Variants in ADGB observed in about 807,000 individuals in gnomAD.
ADGB encodes the protein androglobin.
Under a neutral mutation model 210.5 loss-of-function variants are expected in ADGB, and 172 were observed. The observed-to-expected ratio is 0.82, with a 90% CI of 0.72 to 0.93. ADGB has a LOEUF of 0.93. ADGB is among the 40% of genes least tolerant of loss of function. The probability of loss-of-function intolerance (pLI) is 0.00; values close to 1 mark genes in which losing one functional copy is unlikely to be tolerated. For synonymous variants in ADGB, 658 were observed against 662.7 expected, an observed-to-expected ratio of 0.99 and a Z score of 0.11; for missense variants, 2,025 against 1,964.8, an observed-to-expected ratio of 1.03 and a Z score of -0.58.
intron 23 of ADGB, among the ~76,000 whole-genome samples, chr6:146,739,804 A>C (rs565299554): frequency 2.7e-4 from 41 of 152,294 alleles, no homozygotes; most frequent in African/African-American, 9.6e-4. Context: ...AGTTTCTGGC[A>C]GAATAGGAGG....
chr6:146,784,447 T>G (rs898582430), intron 30 of ADGB, among the ~76,000 whole-genome samples, 171 bp from the exon 31 acceptor site: 1 of 152,218 alleles, frequency 6.6e-6, no homozygotes, highest in Non-Finnish European at 1.5e-5. Flanking sequence ...GTTTTTTGTG[T>G]GTATTATGAA....
In ADGB at chr6:146,616,740, A is replaced by G. The variant is rs1289797568; in HGVS notation, c.74+17626A>G. Among the ~76,000 whole-genome samples the G allele has an allele frequency of 2.0e-5, 3 of 152,270 alleles. No individual in the cohort carries two copies. The South Asian group carries it at 6.2e-4, about 32-fold the overall frequency. The stretch of plus-strand genomic sequence containing the variant: ...CCTTTGTCAAAAATGAGTTGGCTGT[A>G]AATGTGTGGAATTATTTCTGGGTCC... On this transcript the variant is annotated intron_variant, in intron 1 of 35. Transcript: ENST00000397944.
chr6:146,624,025 T>G (rs1245830748), intron 1 of ADGB, among the ~76,000 whole-genome samples: 1 of 151,894 alleles, frequency 6.6e-6, no homozygotes, highest in Admixed American at 6.6e-5. Flanking sequence ...GATATTGGGT[T>G]CCAGTTTTCT....
chr6:146,643,563 A>G (rs1775551244), intron 2 of ADGB, among the ~76,000 whole-genome samples: 1 of 151,886 alleles, frequency 6.6e-6, no homozygotes, highest in Non-Finnish European at 1.5e-5. Flanking sequence ...TTAACTTACT[A>G]GATTGCTAGC....
At chr6:146,680,961 G>A (rs2114911576) in intron 9 of ADGB, among the ~76,000 whole-genome samples, 1 of 152,258 alleles carries the variant, frequency 6.6e-6, no homozygotes, top group Non-Finnish European at 1.5e-5. Flanking sequence ...CCAGTGGGAA[G>A]TAAAAGAGCT....
intron 35 of ADGB, chr6:146,802,326 C>T (rs1284064182): frequency 1.7e-5 from 3 of 180,090 alleles, no homozygotes; most frequent in Non-Finnish European, 3.4e-5. Flanking sequence ...CAGCTTGAGA[C>T]ATACAAATCC....
chr6:146,701,916 C>T (rs1013574074), intron 13 of ADGB, among the ~76,000 whole-genome samples: 3 of 151,860 alleles, frequency 2.0e-5, no homozygotes, highest in African/African-American at 7.2e-5. Context: ...TAGTAATCAG[C>T]TTACATATTC....
chr6:146,673,194 T>C (rs1484509992), intron 8 of ADGB, among the ~76,000 whole-genome samples: 1 of 152,228 alleles, frequency 6.6e-6, no homozygotes, highest in Non-Finnish European at 1.5e-5. Context: ...CTTGAAAGCA[T>C]ACTTTTTAGG....
chr6:146,791,980 G>A (rs1777962538), intron 33 of ADGB, among the ~76,000 whole-genome samples: 1 of 146,746 alleles, frequency 6.8e-6, no homozygotes, highest in African/African-American at 2.5e-5. Flanking sequence ...ATATTGCCCT[G>A]GCTGTTCTTG....
At position 146,782,080 on chromosome 6, in the gene ADGB, G is replaced by A. The variant is rs1484230740; in HGVS notation, c.3923G>A (p.Ser1308Asn). ...GGAAGCCCAGACTCCCACACTATTAGTGAGGGACAAAAATCTTCAGTAACT... is the reference window on the plus strand; with the variant it reads ...GGAAGCCCAGACTCCCACACTATTAATGAGGGACAAAAATCTTCAGTAACT... Reference protein sequence around the residue: ...NLGSPDSHTISEGQKSSVTSK... With the variant: ...NLGSPDSHTINEGQKSSVTSK... Residue 1308 changes from serine (S) to asparagine (N), a missense_variant, in exon 30 of 36, where the codon AGT becomes AAT. Coordinates refer to ENST00000397944, the MANE Select transcript of ADGB (RefSeq NM_024694.4). 1.9e-6 allele frequency: 3 copies of A among 1,547,810 alleles called. No homozygotes were observed. In the African/African-American group the frequency reaches 4.1e-5, roughly 21 times the overall value.
chr6:146,648,678 C>A (rs188053655), intron 3 of ADGB, among the ~76,000 whole-genome samples: 1 of 151,988 alleles, frequency 6.6e-6, no homozygotes, highest in East Asian at 1.9e-4. Context: ...GCTCCCCCGA[C>A]GTTTGGAATT....
At chr6:146,803,587 T>A in intron 35 of ADGB, 1 of 1,401,766 alleles carries the variant, frequency 7.1e-7, no homozygotes, top group Non-Finnish European at 1.0e-6. Context: ...TGGAGACTTC[T>A]TAACCTCCTT....
rs1029242658 is a variant in ADGB at position 146,781,124 on chromosome 6, A to C, written c.3863-896A>C. ...AGGCGGATCACGAGCTCACGAGATC[A>C]AGACCATCCTGGCTAACACGGTGAA... On this transcript the variant is annotated intron_variant, in intron 29 of 35. Coordinates refer to ENST00000397944, the MANE Select transcript of ADGB (RefSeq NM_024694.4). Among the ~76,000 whole-genome samples the C allele has an allele frequency of 8.8e-4, 131 of 149,706 alleles. 3 individuals carry two copies. The highest frequency in any genetic ancestry group is 1.5e-4 in the Non-Finnish European group (10 of 67,502).
intron 12 of ADGB, among the ~76,000 whole-genome samples, chr6:146,698,628 T>C (rs1776443451): frequency 6.6e-6 from 1 of 152,210 alleles, no homozygotes; most frequent in African/African-American, 2.4e-5. Flanking sequence ...CAGTTGGCAA[T>C]GTCAAGCCAT....
intron 27 of ADGB, among the ~76,000 whole-genome samples, chr6:146,763,339 AT>A (rs1442425721): frequency 1.6e-4 from 25 of 152,308 alleles, no homozygotes; most frequent in African/African-American, 5.5e-4. Flanking sequence ...TCAGTCACTT[AT>A]GTTTTTTCAA....
chr6:146,752,419 C>G, intron 26 of ADGB, 111 bp from the exon 27 acceptor site: 2 of 964,402 alleles, frequency 2.1e-6, no homozygotes, highest in Non-Finnish European at 3.0e-6. Flanking sequence ...CAGTGAGGGT[C>G]ACAGTTTGAC....
intron 29 of ADGB, among the ~76,000 whole-genome samples, chr6:146,769,875 T>G (rs955610542): frequency 2.6e-5 from 4 of 152,210 alleles, no homozygotes; most frequent in African/African-American, 9.6e-5. Context: ...AAACACTTGA[T>G]GGTAGCCACC....
At chr6:146,664,175 T>G in intron 5 of ADGB, 26 bp from the exon 6 acceptor site, 1 of 1,535,100 alleles carries the variant, frequency 6.5e-7, no homozygotes, top group South Asian at 1.2e-5. Flanking sequence ...ATTGATGGTA[T>G]TACATTTCTT....
At chr6:146,608,983 G>A (rs541225850) in intron 1 of ADGB, among the ~76,000 whole-genome samples, 3 of 152,232 alleles carry the variant, frequency 2.0e-5, no homozygotes, top group African/African-American at 7.2e-5. Flanking sequence ...AGGTCTCCCA[G>A]TATTATTGTG....
Sources: allele counts gnomAD v4.1 joint callset (sites outside exome capture counted in the v4.1 genomes callset), GRCh38; gene constraint gnomAD v4.1.1; transcripts MANE v1.5; gene names NCBI Gene and HGNC (gene_info 2026-07-23, HGNC 2026-07-21).